Variants in GOLGA2 observed in about 807,000 individuals in gnomAD.
GOLGA2 encodes golgin A2.
Under a neutral mutation model 148.8 loss-of-function variants are expected in GOLGA2, and 49 were observed. That is an observed-to-expected ratio of 0.33 (90% CI 0.26 to 0.42). The LOEUF (loss-of-function observed/expected upper bound fraction) is 0.42, where lower values mean the gene tolerates loss of function less well. GOLGA2 is among the 10% of genes least tolerant of loss of function. GOLGA2 has a pLI of 1.00. For synonymous variants in GOLGA2, 501 were observed against 511.8 expected (o/e 0.98, Z 0.28); for missense variants, 1,178 against 1,304.6 (o/e 0.90, Z 1.49).
chr9:128,268,143 A>T lies in GOLGA2; in HGVS notation c.411T>A (p.Asn137Lys). ...TGGTTTCATCCATGAGATTAGGGAC[A>T]TTGTCAGCATCATGATTCTGTTTGG... ...MAASQNHDADNVPNLMDETKT... is the reference protein window; with the variant it reads ...MAASQNHDADKVPNLMDETKT... The change falls in exon 5 of 27, where the codon AAT (asparagine) becomes AAA (lysine). Residue 137 changes from asparagine to lysine, a missense_variant. This residue lies in a region of GOLGA2 where 304 missense variants were observed against 404.1 expected (regional missense o/e 0.75). Coordinates refer to ENST00000611957, the MANE Select transcript of GOLGA2 (RefSeq NM_001366244.2). 2.5e-6 allele frequency: 4 copies of T among 1,613,454 alleles called. No homozygotes were observed. The highest frequency in any genetic ancestry group is 1.7e-6 in the Non-Finnish European group (2 of 1,179,412).
chr9:128,268,785 A>C (rs993150116), intron 3 of GOLGA2, among the ~76,000 whole-genome samples: 2 of 152,200 alleles, frequency 1.3e-5, no homozygotes, highest in Non-Finnish European at 1.5e-5. Flanking sequence ...GGAGCTCAGC[A>C]AAAGACAGCA....
chr9:128,265,313 G>T (rs1369788619), intron 12 of GOLGA2, among the ~76,000 whole-genome samples: 1 of 152,100 alleles, frequency 6.6e-6, no homozygotes, highest in African/African-American at 2.4e-5. Flanking sequence ...CCCCACCTAG[G>T]ACTTGACCAA....
Position 128,257,431 on chromosome 9 carries a change from G to A in GOLGA2, c.2813C>T (p.Ala938Val). Residue 938 changes from alanine to valine, a missense_variant, in exon 26 of 27, where the codon GCT becomes GTT. Physicochemically the swap from Ala to Val is moderately conservative, Grantham distance 64 (BLOSUM62 0). This residue lies in a region of GOLGA2 where 149 missense variants were observed against 154.9 expected (regional missense o/e 0.96). Transcript: ENST00000611957. This position sits in a 1 kb window ranked among gnomAD's most constrained non-coding sequence, Gnocchi z 8.0. ...TGGGGCCCCTGAAGTGGGCTCATCA[G>A]CAGGGTTCTGGGCAGCTGCCAGGAA... ...GRFLAAAQNP[A>V]DEPTSGAPAP... 1 of 1,613,012 alleles carries A rather than the reference G, an allele frequency of 6.2e-7. No homozygotes were observed. The highest frequency in any genetic ancestry group is 8.5e-7 in the Non-Finnish European group (1 of 1,179,992).
Position 128,261,811 on chromosome 9 carries a change from T to C in GOLGA2, c.1135-54A>G. On this transcript the variant is annotated intron_variant, in intron 14 of 26. Transcript: ENST00000611957. The surrounding 1 kb of genome is among the most constrained non-coding windows in gnomAD (Gnocchi z 5.7). Reference sequence around the variant, plus strand: ...TCTGGGGAGCCCAGGCCGTTCCAAATAGTGCCCCTTAAAAGGGCTAGGGCT... The same window carrying C: ...TCTGGGGAGCCCAGGCCGTTCCAAACAGTGCCCCTTAAAAGGGCTAGGGCT... 1 of 1,156,638 alleles carries C rather than the reference T, an allele frequency of 8.6e-7. No homozygotes were observed. Among genetic ancestry groups the C allele is most frequent in the Non-Finnish European group, 1.3e-6 (1 of 762,956 alleles). The allele number at this position is 1,156,638 out of a possible 1,614,324, so 71.6% of individuals were successfully genotyped here.
chr9:128,266,197 G>A lies in GOLGA2; in HGVS notation c.681+90C>T, dbSNP rs973374484. 5.1e-6 allele frequency: 7 copies of A among 1,385,250 alleles called. No homozygotes were observed. The African/African-American group carries it at 5.7e-5, about 11-fold the overall frequency. 85.8% of individuals were successfully genotyped at this position (1,385,250 alleles called of 1,614,324 possible). A position where few individuals can be genotyped will look rare whatever the true frequency, so the allele number is the denominator to read the frequency against. On this transcript the variant is annotated intron_variant, in intron 9 of 26. Transcript: ENST00000611957. The surrounding 1 kb of genome is among the most constrained non-coding windows in gnomAD (Gnocchi z 4.2). ...GGGGTGAGCCTTCTTCCCCAGGCTG[G>A]GAGTGGGTGAGACGAGACTGAGGCC... is the stretch of plus-strand genomic sequence containing the variant.
intron 1 of GOLGA2, among the ~76,000 whole-genome samples, 174 bp from the exon 2 acceptor site, chr9:128,274,146 A>T (rs1831150017): frequency 6.6e-6 from 1 of 152,182 alleles, no homozygotes; most frequent in African/African-American, 2.4e-5. Context: ...ACCATGGCTT[A>T]AAAAAGGCAA....
At chr9:128,275,577 G>A (rs1831280436) in intron 1 of GOLGA2, 10 of 1,084,716 alleles carry the variant, frequency 9.2e-6, no homozygotes, top group South Asian at 2.6e-5. Context: ...GAATTGCTGG[G>A]GTCCTAGGTC....
In GOLGA2 at chr9:128,256,792, C is replaced by A. The variant is rs76990654; in HGVS notation, c.*275G>T. The A allele has an allele frequency of 2.9e-5, 7 of 244,938 alleles. No individual in the cohort carries two copies. The South Asian group carries it at 5.7e-4, about 20-fold the overall frequency. 15.2% of individuals were successfully genotyped at this position (244,938 alleles called of 1,614,324 possible). A position where few individuals can be genotyped will look rare whatever the true frequency, so the allele number is the denominator to read the frequency against. On this transcript the variant is annotated 3_prime_UTR_variant, in exon 27 of 27. Transcript: ENST00000611957. ...TACAGGCGTGAGCCACTGCACCTGG[C>A]CTTTTTTCATAACTTTTATACCATA...
At position 128,260,650 on chromosome 9, in the gene GOLGA2, G is replaced by T; in HGVS notation, c.1573C>A (p.Arg525=). 4 of 1,612,508 alleles carry T rather than the reference G, an allele frequency of 2.5e-6. No homozygotes were observed. The highest frequency in any genetic ancestry group is 1.3e-5 in the African/African-American group (1 of 75,022). ...TCCAGCAGCCTCTCCTCCTGCTCCC[G>T]GTTCAGGCGACTCAAGCCCTCATTG... The part of the protein sequence containing the change: ...QDNEGLSRLN[R]EQEERLLELE... The change falls in exon 18 of 27, where the codon CGG becomes AGG. Residue 525 remains arginine, a synonymous_variant. Coordinates refer to ENST00000611957, the MANE Select transcript of GOLGA2 (RefSeq NM_001366244.2). The surrounding 1 kb of genome is among the most constrained non-coding windows in gnomAD (Gnocchi z 4.8).
chr9:128,265,525 G>T, intron 12 of GOLGA2, 60 bp downstream of exon 12: 2 of 1,228,120 alleles, frequency 1.6e-6, no homozygotes, highest in Non-Finnish European at 2.4e-6. Context: ...GGACCTTTAG[G>T]CTCACTCCTC....
At chr9:128,273,425 T>C (rs1375400734) in intron 2 of GOLGA2, among the ~76,000 whole-genome samples, 2 of 152,128 alleles carry the variant, frequency 1.3e-5, no homozygotes, top group Non-Finnish European at 2.9e-5. Context: ...GGGACTCTCC[T>C]CACCACACCC....
Position 128,260,265 on chromosome 9 carries a change from C to T in GOLGA2, c.1759-76G>A. ...GAACTTGCTGCCTTGGTGTCTGCCT[C>T]CCATGGCACCGGGAAGGGTGGAGGC... On this transcript the variant is annotated intron_variant, in intron 18 of 26. Coordinates refer to ENST00000611957, the MANE Select transcript of GOLGA2 (RefSeq NM_001366244.2). The surrounding 1 kb of genome is among the most constrained non-coding windows in gnomAD (Gnocchi z 4.8). 3.2e-6 allele frequency: 4 copies of T among 1,267,768 alleles called. No individual in the cohort carries two copies. Among genetic ancestry groups the T allele is most frequent in the Non-Finnish European group, 3.4e-6 (3 of 876,516 alleles). The allele number at this position is 1,267,768 out of a possible 1,614,324, so 78.5% of individuals were successfully genotyped here. A position where few individuals can be genotyped will look rare whatever the true frequency, so the allele number is the denominator to read the frequency against.
chr9:128,257,471 C>G lies in GOLGA2; in HGVS notation c.2773G>C (p.Glu925Gln), dbSNP rs200657891. The G allele has an allele frequency of 1.3e-5, 21 of 1,613,274 alleles. No homozygotes were observed. In the East Asian group the frequency reaches 4.0e-4, roughly 31 times the overall value. The change falls in exon 26 of 27, where the codon GAG (glutamate) becomes CAG (glutamine). Residue 925 changes from glutamate to glutamine, a missense_variant. Glu to Gln is a conservative substitution (Grantham distance 29). Transcript: ENST00000611957. This position sits in a 1 kb window ranked among gnomAD's most constrained non-coding sequence, Gnocchi z 8.0. Reference sequence around the variant, plus strand: ...GCTGCCAGGAATCTGCCATGCCACTCGTTGCGGTCGCCCACAAGCCGTAAG... The same window carrying G: ...GCTGCCAGGAATCTGCCATGCCACTGGTTGCGGTCGCCCACAAGCCGTAAG... ...LVLRLVGDRN[E>Q]WHGRFLAAAQ...
intron 3 of GOLGA2, among the ~76,000 whole-genome samples, chr9:128,270,903 C>T (rs1189838501): frequency 1.3e-5 from 2 of 151,868 alleles, no homozygotes; most frequent in African/African-American, 4.8e-5. Flanking sequence ...AAAAAAATGG[C>T]CGGGCGTGAT....
Position 128,258,401 on chromosome 9 carries a change from G to T in GOLGA2, c.2289+54C>A. 1 of 1,487,168 alleles carries T rather than the reference G, an allele frequency of 6.7e-7. No individual in the cohort carries two copies. The highest frequency in any genetic ancestry group is 9.4e-7 in the Non-Finnish European group (1 of 1,066,018). The allele number at this position is 1,487,168 out of a possible 1,614,324, so 92.1% of individuals were successfully genotyped here. On this transcript the variant is annotated intron_variant, in intron 22 of 26. Transcript: ENST00000611957. The surrounding 1 kb of genome is among the most constrained non-coding windows in gnomAD (Gnocchi z 6.6). ...GGAAACCAAGAGCAGAAGGGGGTCT[G>T]GGAGGGACCACAGAGGGAGGCAGCA...
chr9:128,275,719 G>A (rs1181491194), intron 1 of GOLGA2, among the ~76,000 whole-genome samples, 174 bp downstream of exon 1: 5 of 152,150 alleles, frequency 3.3e-5, no homozygotes, highest in Non-Finnish European at 7.4e-5. Context: ...GAGGGCGGGG[G>A]CTGGGCGGCT....
rs1356414856 is a variant in GOLGA2 at position 128,261,304 on chromosome 9, G to C, written c.1333-45C>G. On this transcript the variant is annotated intron_variant, in intron 16 of 26. Coordinates refer to ENST00000611957, the MANE Select transcript of GOLGA2 (RefSeq NM_001366244.2). This position sits in a 1 kb window ranked among gnomAD's most constrained non-coding sequence, Gnocchi z 5.7. The stretch of plus-strand genomic sequence containing the variant: ...AAAGGGCCCTGGAGAGGGGCTGGTG[G>C]CTGGACAGGCTACCATCTCCCTCTG... 12 of 1,474,626 alleles carry C rather than the reference G, an allele frequency of 8.1e-6. No individual in the cohort carries two copies. The highest frequency in any genetic ancestry group is 1.1e-5 in the South Asian group (1 of 88,256). 91.3% of individuals were successfully genotyped at this position (1,474,626 alleles called of 1,614,324 possible).
Position 128,267,287 on chromosome 9 carries a change from C to T in GOLGA2, c.562-13G>A. Reference sequence around the variant, plus strand: ...GTTGGTACCGGCTCTGAGGCGCATGCAGAGAGGAGGAGTTGGAGGAGGATT... The same window carrying T: ...GTTGGTACCGGCTCTGAGGCGCATGTAGAGAGGAGGAGTTGGAGGAGGATT... On this transcript the variant is annotated splice_polypyrimidine_tract_variant and intron_variant, in intron 7 of 26. Coordinates refer to ENST00000611957, the MANE Select transcript of GOLGA2 (RefSeq NM_001366244.2). The T allele has an allele frequency of 6.3e-7, 1 of 1,586,030 alleles. No individual in the cohort carries two copies. Among genetic ancestry groups the T allele is most frequent in the Non-Finnish European group, 8.7e-7 (1 of 1,154,918 alleles).
At chr9:128,262,440 G>T in intron 14 of GOLGA2, 123 bp downstream of exon 14, 1 of 767,030 alleles carries the variant, frequency 1.3e-6, no homozygotes, top group Non-Finnish European at 2.1e-6. Context: ...TTTATGCCAG[G>T]ACCGGAACAA....
Sources: gnomAD v4.1 joint callset for allele counts (sites outside exome capture counted in the v4.1 genomes callset) on GRCh38, gnomAD v4.1.1 for gene constraint, gnomAD v4.1.1 regional missense constraint, Gnocchi (gnomAD v3.1) non-coding constraint, MANE v1.5 for transcripts, NCBI Gene and HGNC (gene_info 2026-07-23, HGNC 2026-07-21) for gene names.